The following ARID1B variants were observed in gnomAD, a reference collection of about 807,000 sequenced individuals.
The protein encoded by ARID1B is AT-rich interactive domain-containing protein 1B.
Under a neutral mutation model 212.3 loss-of-function variants are expected in ARID1B, and 30 were observed. The ratio of observed to expected loss-of-function variants is 0.14; its 90% CI spans 0.11 to 0.19. The LOEUF is 0.19. Among genes scored for constraint, ARID1B ranks in the 10% least tolerant of loss-of-function variants. ARID1B has a pLI of 1.00. For missense variants in ARID1B, 2,891 were observed against 3,204.0 expected, an observed-to-expected ratio of 0.90 and a Z score of 2.36; for synonymous variants, 1,402 against 1,301.7, an observed-to-expected ratio of 1.08 and a Z score of -1.66.
At chr6:157,157,699 G>A (rs898142409) in intron 8 of ARID1B, among the ~76,000 whole-genome samples, 1 of 152,094 alleles carries the variant, frequency 6.6e-6, no homozygotes, top group African/African-American at 2.4e-5. Context: ...TTCTTATTTT[G>A]AACTCCATTT....
intron 4 of ARID1B, among the ~76,000 whole-genome samples, chr6:157,044,027 G>A (rs753545742): frequency 3.2e-4 from 48 of 152,078 alleles, no homozygotes; most frequent in Non-Finnish European, 4.9e-4. Context: ...TTGCTTCCAC[G>A]GATCTTACAT....
intron 4 of ARID1B, among the ~76,000 whole-genome samples, chr6:157,035,488 A>C (rs1781271306): frequency 6.6e-6 from 1 of 152,202 alleles, no homozygotes; most frequent in African/African-American, 2.4e-5. Context: ...GGAAATTCAA[A>C]CATGTAATCT....
intron 3 of ARID1B, among the ~76,000 whole-genome samples, chr6:156,931,964 A>C (rs1791761918): frequency 6.9e-6 from 1 of 145,916 alleles, no homozygotes; most frequent in African/African-American, 2.5e-5. Context: ...TCCGTCTTAA[A>C]AAAAAAAAAA....
intron 4 of ARID1B, among the ~76,000 whole-genome samples, chr6:156,982,285 A>G (rs755038131): frequency 1.3e-5 from 2 of 152,180 alleles, no homozygotes; most frequent in African/African-American, 2.4e-5. Flanking sequence ...GACTTCTGCT[A>G]TTACTGCTTT....
chr6:156,881,484 C>T (rs1787093622), intron 2 of ARID1B, among the ~76,000 whole-genome samples: 1 of 152,128 alleles, frequency 6.6e-6, no homozygotes, highest in African/African-American at 2.4e-5. Flanking sequence ...TATAGTGTCA[C>T]ATGTAATACC....
chr6:157,157,862 A>G (rs1790674588), intron 8 of ARID1B, among the ~76,000 whole-genome samples: 1 of 152,176 alleles, frequency 6.6e-6, no homozygotes, highest in East Asian at 1.9e-4. Flanking sequence ...CTTTACAGAA[A>G]GTGAAAAACA....
chr6:156,778,776 C>A lies in ARID1B; in HGVS notation c.1096C>A (p.Leu366Met). 6.6e-7 allele frequency: 1 copy of A among 1,513,918 alleles called. No homozygotes were observed. The highest frequency in any genetic ancestry group is 2.7e-5 in the East Asian group (1 of 36,448). 93.8% of individuals were successfully genotyped at this position (1,513,918 alleles called of 1,614,324 possible). ...CGGGGCCCCCGGCAGCATGGACCCC[C>A]TGCAGAACTCCCACGAAGGGTACCC... Reference protein sequence around the residue: ...AAGAPGSMDPLQNSHEGYPNS... With the variant: ...AAGAPGSMDPMQNSHEGYPNS... Residue 366 changes from leucine to methionine, a missense_variant, in exon 1 of 20, where the codon CTG becomes ATG. Transcript: ENST00000636930.
chr6:157,066,379 CTG>C (rs1783677647), intron 4 of ARID1B, among the ~76,000 whole-genome samples: 1 of 152,178 alleles, frequency 6.6e-6, no homozygotes, highest in African/African-American at 2.4e-5. Context: ...TCTGTAATAA[CTG>C]TTTTCTGAGG....
chr6:156,871,195 C>T (rs1010487922), intron 2 of ARID1B, among the ~76,000 whole-genome samples: 4 of 152,162 alleles, frequency 2.6e-5, no homozygotes, highest in African/African-American at 9.7e-5. Flanking sequence ...AAGCAACAGG[C>T]CAGCCTGTGG....
intron 2 of ARID1B, among the ~76,000 whole-genome samples, chr6:156,875,123 A>G (rs946570582): frequency 2.6e-5 from 4 of 152,358 alleles, no homozygotes; most frequent in African/African-American, 4.8e-5. Context: ...GTGTCTAGAT[A>G]TATATTTGAG....
chr6:156,901,759 A>G (rs1232453707), intron 3 of ARID1B: 5 of 579,648 alleles, frequency 8.6e-6, no homozygotes, highest in Non-Finnish European at 1.5e-5. Flanking sequence ...ATTACTGGTT[A>G]GTGGCAGCAG....
chr6:157,194,402 A>G (rs1793581415), intron 15 of ARID1B: 1 of 152,262 alleles, frequency 6.6e-6, no homozygotes, highest in African/African-American at 2.4e-5. Context: ...CAGCCTAACA[A>G]AATGTATCTA....
At chr6:157,003,496 A>T (rs551599250) in intron 4 of ARID1B, among the ~76,000 whole-genome samples, 2 of 152,232 alleles carry the variant, frequency 1.3e-5, no homozygotes, top group Non-Finnish European at 2.9e-5. Context: ...AAGAAGATCC[A>T]CAGGCCTTGT....
intron 3 of ARID1B, among the ~76,000 whole-genome samples, chr6:156,915,888 C>T (rs951496312): frequency 6.0e-5 from 9 of 150,504 alleles, no homozygotes; most frequent in Non-Finnish European, 1.0e-4. Flanking sequence ...CACAGCAAGA[C>T]TCCGTCTCAA....
chr6:157,128,076 C>G (rs963991353), intron 6 of ARID1B, among the ~76,000 whole-genome samples: 3 of 152,080 alleles, frequency 2.0e-5, no homozygotes, highest in Non-Finnish European at 4.4e-5. Context: ...TATGATTGCC[C>G]CCATTTTACA....
chr6:156,992,639 G>A (rs1041304395), intron 4 of ARID1B, among the ~76,000 whole-genome samples: 14 of 152,180 alleles, frequency 9.2e-5, no homozygotes, highest in Admixed American at 2.6e-4. Context: ...CCCATCTGTG[G>A]GGCCTGGGCA....
Position 156,823,063 on chromosome 6 carries a change from G to A in ARID1B, c.1792-6164G>A, listed in dbSNP as rs182070306. Among the ~76,000 whole-genome samples the A allele has an allele frequency of 1.8e-4, 27 of 152,322 alleles. No individual in the cohort carries two copies. In the Middle Eastern group the frequency reaches 0.014, roughly 77 times the overall value. On this transcript the variant is annotated intron_variant, in intron 1 of 19. Transcript: ENST00000636930. ...ACTGTGGCTGACCCCGATCCTTATC[G>A]AGCTTGTTTCACATGGCTGTGATCT...
chr6:156,804,165 A>C (rs976685620), intron 1 of ARID1B, among the ~76,000 whole-genome samples: 2 of 151,994 alleles, frequency 1.3e-5, no homozygotes, highest in Non-Finnish European at 2.9e-5. Flanking sequence ...GTGAAACCCC[A>C]TCTCTACCAG....
At chr6:157,072,705 G>A (rs1784066234) in intron 4 of ARID1B, 1 of 152,062 alleles carries the variant, frequency 6.6e-6, no homozygotes, top group South Asian at 2.1e-4. Flanking sequence ...TTAATACTAT[G>A]TGATATTATA....
Sources: gnomAD v4.1 joint callset for allele counts (sites outside exome capture counted in the v4.1 genomes callset) on GRCh38, gnomAD v4.1.1 for gene constraint, MANE v1.5 for transcripts, NCBI Gene and HGNC (gene_info 2026-07-23, HGNC 2026-07-21) for gene names.